The following KAZN variants were observed in gnomAD, a reference collection of about 807,000 sequenced individuals.
KAZN encodes kazrin, periplakin interacting protein.
A neutral mutation model predicts 87.4 loss-of-function variants in KAZN; 40 were observed. The ratio of observed to expected loss-of-function variants is 0.46; its 90% CI spans 0.36 to 0.60. The LOEUF (loss-of-function observed/expected upper bound fraction) is 0.60, where lower values mean the gene tolerates loss of function less well. Among genes scored for constraint, KAZN ranks in the 20% least tolerant of loss-of-function variants. The pLI is 0.00. For missense variants in KAZN, 898 were observed against 1,073.9 expected (o/e 0.84, Z 2.29); for synonymous variants, 466 against 458.3 (o/e 1.02, Z -0.22).
chr1:14,719,144 C>T (rs1216869162), intron 1 of KAZN, among the ~76,000 whole-genome samples: 1 of 152,188 alleles, frequency 6.6e-6, no homozygotes, highest in Admixed American at 6.5e-5. Context: ...ACAGACTCAG[C>T]TTCTGCAAGG....
At chr1:13,973,850 C>T (rs780494207) in intron 1 of KAZN, among the ~76,000 whole-genome samples, 1 of 152,222 alleles carries the variant, frequency 6.6e-6, no homozygotes, top group Admixed American at 6.5e-5. Flanking sequence ...TCTGAGAAGA[C>T]TTCCCTTGTG....
intron 2 of KAZN, among the ~76,000 whole-genome samples, chr1:14,342,454 T>C (rs1437769728): frequency 3.9e-5 from 6 of 152,228 alleles, no homozygotes; most frequent in African/African-American, 1.4e-4. Flanking sequence ...TGGCACGTAT[T>C]CTTGCTTTTT....
In KAZN at chr1:15,021,960, G is replaced by A. The variant is rs2102166086; in HGVS notation, c.419-12789G>A. Among the ~76,000 whole-genome samples, 1 of 152,254 alleles carries A rather than the reference G, an allele frequency of 6.6e-6. No homozygotes were observed. The highest frequency in any genetic ancestry group is 2.4e-5 in the African/African-American group (1 of 41,542). On this transcript the variant is annotated intron_variant, in intron 2 of 14. Transcript: ENST00000376030. This position sits in a 1 kb window ranked among gnomAD's most constrained non-coding sequence, Gnocchi z 4.2. ...ACATGGTGGCAGCAAGATAGAGCAT[G>A]AGAGCCAGGGGAAAACCATCAGATC...
intron 2 of KAZN, among the ~76,000 whole-genome samples, chr1:14,963,873 C>T (rs779566225): frequency 1.3e-5 from 2 of 152,036 alleles, no homozygotes; most frequent in East Asian, 1.9e-4. Context: ...TGAGTGAGAA[C>T]GTGTGGTGTT....
At chr1:14,054,198 G>A (rs1196887833) in intron 1 of KAZN, among the ~76,000 whole-genome samples, 1 of 152,038 alleles carries the variant, frequency 6.6e-6, no homozygotes, top group African/African-American at 2.4e-5. Flanking sequence ...GACCTGTGCA[G>A]TTCAAACTTA....
intron 2 of KAZN, among the ~76,000 whole-genome samples, chr1:14,444,698 G>A (rs921255865): frequency 6.6e-6 from 1 of 152,040 alleles, no homozygotes; most frequent in Admixed American, 6.6e-5. Context: ...GATGCAGCTT[G>A]GGTATTTACT....
chr1:14,331,094 G>T (rs1283828072), intron 2 of KAZN, among the ~76,000 whole-genome samples: 1 of 152,164 alleles, frequency 6.6e-6, no homozygotes, highest in Non-Finnish European at 1.5e-5. Flanking sequence ...ATAAGAGATA[G>T]GTACAACTTC....
intron 1 of KAZN, among the ~76,000 whole-genome samples, chr1:14,682,599 C>CT (rs1254333291): frequency 1.3e-5 from 2 of 152,108 alleles, no homozygotes; most frequent in Non-Finnish European, 2.9e-5. Flanking sequence ...GAATTCCCTT[C>CT]TTTTTTAAGG....
chr1:14,668,760 C>G (rs1436025597), intron 1 of KAZN, among the ~76,000 whole-genome samples: 3 of 152,180 alleles, frequency 2.0e-5, no homozygotes, highest in Non-Finnish European at 4.4e-5. Context: ...CGTCATCTCC[C>G]CTTCTGCGAC....
intron 2 of KAZN, chr1:14,304,490 A>AAAT (rs1654780433): frequency 2.5e-6 from 1 of 396,342 alleles, no homozygotes; most frequent in Non-Finnish European, 4.4e-6. Flanking sequence ...AGCTTCAATG[A>AAAT]GCAACTGGAA....
chr1:13,952,415 A>G (rs1307036443), intron 1 of KAZN, among the ~76,000 whole-genome samples: 1 of 151,864 alleles, frequency 6.6e-6, no homozygotes, highest in Non-Finnish European at 1.5e-5. Context: ...TTGGGATGAT[A>G]GGATGAAACA....
intron 1 of KAZN, among the ~76,000 whole-genome samples, chr1:14,117,536 A>G (rs1644653116): frequency 6.6e-6 from 1 of 152,000 alleles, no homozygotes; most frequent in South Asian, 2.1e-4. Context: ...ATGAAAGTGG[A>G]CTAATACACC....
intron 2 of KAZN, among the ~76,000 whole-genome samples, chr1:14,371,498 G>A (rs1660479806): frequency 6.6e-6 from 1 of 152,120 alleles, no homozygotes; most frequent in East Asian, 1.9e-4. Flanking sequence ...GAGTAGCAAG[G>A]GCTAAATTGG....
intron 2 of KAZN, among the ~76,000 whole-genome samples, chr1:14,589,172 C>A (rs1450791497): frequency 6.6e-6 from 1 of 152,104 alleles, no homozygotes; most frequent in African/African-American, 2.4e-5. Flanking sequence ...ATCTTGCTAC[C>A]AAGATGGCTG....
intron 1 of KAZN, among the ~76,000 whole-genome samples, chr1:14,141,805 G>A (rs997375123): frequency 2.0e-5 from 3 of 152,154 alleles, no homozygotes; most frequent in Non-Finnish European, 2.9e-5. Flanking sequence ...TGTGTTTGGA[G>A]GTTACATCTG....
intron 1 of KAZN, among the ~76,000 whole-genome samples, chr1:14,678,356 T>A (rs994755563): frequency 1.1e-4 from 17 of 152,184 alleles, no homozygotes; most frequent in Admixed American, 1.1e-3. Context: ...CTTAGGTTTT[T>A]GGACTCTTGG....
intron 1 of KAZN, among the ~76,000 whole-genome samples, chr1:14,805,729 C>A (rs947074343): frequency 6.6e-6 from 1 of 150,890 alleles, no homozygotes; most frequent in African/African-American, 2.4e-5. Flanking sequence ...CCAATGCACT[C>A]CAGCCTGGGA....
chr1:14,452,433 G>T (rs532369584), intron 2 of KAZN, among the ~76,000 whole-genome samples: 1 of 152,274 alleles, frequency 6.6e-6, no homozygotes, highest in African/African-American at 2.4e-5. Context: ...GTTTGGTTTT[G>T]CTTTTATCCA....
intron 2 of KAZN, among the ~76,000 whole-genome samples, chr1:14,297,316 G>C (rs941578115): frequency 2.6e-5 from 4 of 152,202 alleles, no homozygotes; most frequent in African/African-American, 4.8e-5. Flanking sequence ...AACAGCAAAA[G>C]GGAGGCATGA....
Sources: allele counts gnomAD v4.1 joint callset (sites outside exome capture counted in the v4.1 genomes callset), GRCh38; gene constraint gnomAD v4.1.1; non-coding constraint Gnocchi (gnomAD v3.1); transcripts MANE v1.5; gene names NCBI Gene and HGNC (gene_info 2026-07-23, HGNC 2026-07-21).